Variants in SLC26A5 observed in about 807,000 individuals in gnomAD.
SLC26A5 encodes the protein prestin.
SLC26A5 carries 51 observed loss-of-function variants against 81.0 expected under a neutral mutation model. The observed-to-expected ratio is 0.63, with a 90% CI of 0.50 to 0.80. The LOEUF is 0.80. Among genes scored for constraint, SLC26A5 ranks in the 30% least tolerant of loss-of-function variants. The probability of loss-of-function intolerance (pLI) is 0.00; values close to 1 mark genes in which losing one functional copy is unlikely to be tolerated. For synonymous variants in SLC26A5, 325 were observed against 332.8 expected (o/e 0.98, Z 0.25); for missense variants, 771 against 905.8 (o/e 0.85, Z 1.91).
rs1166123750 is a variant in SLC26A5 at position 103,421,400 on chromosome 7, G to T, written c.115C>A (p.Pro39Thr). Residue 39 changes from proline to threonine, a missense_variant, in exon 3 of 20, where the codon CCT becomes ACT. Physicochemically the swap from Pro to Thr is conservative, Grantham distance 38. Transcript: ENST00000306312. ...TTCAGCTTATCCGCAATGGAATCAG[G>T]AACCTTGTCCTTTGTGTGTAGTCTT... ...QERLHTKDKVPDSIADKLKQA... is the reference protein window; with the variant it reads ...QERLHTKDKVTDSIADKLKQA... 1 of 1,614,110 alleles carries T rather than the reference G, an allele frequency of 6.2e-7. No homozygotes were observed.
downstream of SLC26A5, chr7:103,369,485 T>C (rs1425930765): frequency 6.6e-6 from 1 of 152,252 alleles, no homozygotes; most frequent in Non-Finnish European, 1.5e-5. Flanking sequence ...CACACTCTGT[T>C]CTAACGATAC....
chr7:103,370,756 G>A (rs1820988256), downstream of SLC26A5, among the ~76,000 whole-genome samples: 1 of 152,118 alleles, frequency 6.6e-6, no homozygotes, highest in Admixed American at 6.5e-5. Flanking sequence ...CCTGGGCCCT[G>A]GTTCACAAAT....
chr7:103,402,629 GA>G (rs1275347307), intron 8 of SLC26A5, among the ~76,000 whole-genome samples: 1 of 151,960 alleles, frequency 6.6e-6, no homozygotes, highest in East Asian at 1.9e-4. Context: ...TTGATCTCTT[GA>G]CTTTCTGATT....
rs1030242817 is a variant in SLC26A5 at position 103,423,441 on chromosome 7, T to C, written c.-53-1874A>G. ...CACCAAGGATGATATTAAAATGTTA[T>C]GGTTTGACTGTTTTTGTCTCTTTCA... is the stretch of plus-strand genomic sequence containing the variant. On this transcript the variant is annotated intron_variant, in intron 2 of 19. Coordinates refer to ENST00000306312, the MANE Select transcript of SLC26A5 (RefSeq NM_198999.3). 6.6e-5 allele frequency among the ~76,000 whole-genome samples: 10 copies of C among 152,342 alleles called. No homozygotes were observed. The East Asian group carries it at 7.7e-4, about 12-fold the overall frequency.
At chr7:103,407,211 G>A (rs1824127431) in intron 8 of SLC26A5, among the ~76,000 whole-genome samples, 6 of 152,246 alleles carry the variant, frequency 3.9e-5, no homozygotes, top group Admixed American at 1.3e-4. Flanking sequence ...ACATATTCAT[G>A]TGAACAGGAA....
chr7:103,392,930 C>T lies in SLC26A5; in HGVS notation c.1108G>A (p.Asp370Asn). 1.2e-6 allele frequency: 2 copies of T among 1,614,050 alleles called. No homozygotes were observed. Among genetic ancestry groups the T allele is most frequent in the Non-Finnish European group, 1.7e-6 (2 of 1,179,918 alleles). Residue 370 changes from aspartate (D) to asparagine (N), a missense_variant, in exon 10 of 20, where the codon GAC becomes AAC. By Grantham distance (23) the Asp-to-Asn change is conservative. Coordinates refer to ENST00000306312, the MANE Select transcript of SLC26A5 (RefSeq NM_198999.3). ...CTGATTATCTTTACCTGATTGCCGT[C>T]AACCTGGTAGCCATGTTTATTTGCT... ...TLANKHGYQV[D>N]GNQELIALGL...
downstream of SLC26A5, chr7:103,374,063 T>C (rs1003182618): frequency 1.8e-6 from 1 of 540,974 alleles, no homozygotes; most frequent in Admixed American, 5.2e-5. Flanking sequence ...GATCAACAAG[T>C]ACAAAAACAA....
At chr7:103,389,273 C>G in intron 13 of SLC26A5, 56 bp downstream of exon 13, 1 of 1,357,084 alleles carries the variant, frequency 7.4e-7, no homozygotes, top group Non-Finnish European at 1.1e-6. Context: ...TTTTTCTTAG[C>G]ACTAATCATA....
At chr7:103,385,993 T>A (rs7455319) in intron 14 of SLC26A5, among the ~76,000 whole-genome samples, 8,736 of 151,508 alleles carry the variant, frequency 0.058, 854 homozygotes, top group African/African-American at 0.2. Context: ...AGTGGTGTGA[T>A]CTTGGCTCAC....
At chr7:103,363,124 G>C (rs1820510310) in intron 19 of SLC26A5, among the ~76,000 whole-genome samples, 1 of 152,138 alleles carries the variant, frequency 6.6e-6, no homozygotes, top group African/African-American at 2.4e-5. Flanking sequence ...TTGAGACAGA[G>C]TCTCAGCCTG....
chr7:103,411,646 G>A, intron 5 of SLC26A5, 60 bp from the exon 6 acceptor site: 1 of 1,585,856 alleles, frequency 6.3e-7, no homozygotes, highest in South Asian at 1.1e-5. Context: ...TATGGTTTTT[G>A]CCAGTACACC....
intron 11 of SLC26A5, 63 bp downstream of exon 11, chr7:103,391,559 C>A: frequency 7.3e-7 from 1 of 1,366,956 alleles, no homozygotes; most frequent in South Asian, 1.2e-5. Flanking sequence ...AGAATATAAT[C>A]AAAAGATTAA....
At chr7:103,420,640 T>A in intron 4 of SLC26A5, 98 bp downstream of exon 4, 2 of 1,455,634 alleles carry the variant, frequency 1.4e-6, no homozygotes, top group Non-Finnish European at 1.9e-6. Flanking sequence ...TAGAAAGATA[T>A]GATAAAAATT....
chr7:103,362,142 CA>C (rs531421652), intron 19 of SLC26A5: 8 of 1,602,658 alleles, frequency 5.0e-6, no homozygotes, highest in Non-Finnish European at 6.0e-6. Context: ...TACTGTCTCA[CA>C]TTCATATCCT....
At chr7:103,419,862 A>G (rs1308093271) in intron 4 of SLC26A5, among the ~76,000 whole-genome samples, 1 of 151,878 alleles carries the variant, frequency 6.6e-6, no homozygotes, top group Non-Finnish European at 1.5e-5. Context: ...TTTATTTCAC[A>G]ATACCTTATA....
intron 4 of SLC26A5, among the ~76,000 whole-genome samples, chr7:103,419,281 T>TA (rs1825153863): frequency 6.6e-6 from 1 of 152,204 alleles, no homozygotes; most frequent in African/African-American, 2.4e-5. Context: ...GTAATGCTGA[T>TA]AGCTTTTCAC....
intron 19 of SLC26A5, among the ~76,000 whole-genome samples, chr7:103,353,444 C>G (rs1461347376): frequency 6.6e-6 from 1 of 152,072 alleles, no homozygotes; most frequent in Admixed American, 6.6e-5. Flanking sequence ...GTAGCTGGGA[C>G]TACAGACATG....
intron 19 of SLC26A5, among the ~76,000 whole-genome samples, chr7:103,357,844 C>T (rs1182963386): frequency 6.6e-6 from 1 of 152,162 alleles, no homozygotes; most frequent in Non-Finnish European, 1.5e-5. Context: ...GTCTAAACTG[C>T]TCTTCAGATG....
chr7:103,434,509 ATTTCTTACCTTTTATTTTCTTTGT>A (rs1486432062), intron 2 of SLC26A5, among the ~76,000 whole-genome samples: 1 of 151,874 alleles, frequency 6.6e-6, no homozygotes, highest in Non-Finnish European at 1.5e-5. Context: ...TTAATTGTCA[ATTTCTTACCTTTTATTTTCTTTGT>A]TTTCTATCTC....
Sources: gnomAD v4.1 joint callset for allele counts (sites outside exome capture counted in the v4.1 genomes callset) on GRCh38, gnomAD v4.1.1 for gene constraint, MANE v1.5 for transcripts, NCBI Gene and HGNC (gene_info 2026-07-23, HGNC 2026-07-21) for gene names.